Variants in RPS6KA6 observed in about 807,000 individuals in gnomAD.
RPS6KA6 encodes the protein ribosomal protein S6 kinase alpha-6.
RPS6KA6 carries 27 observed loss-of-function variants against 65.4 expected under a neutral mutation model. The observed-to-expected ratio is 0.41, with a 90% CI of 0.30 to 0.57. RPS6KA6 has a LOEUF of 0.57. RPS6KA6 is among the 20% of genes least tolerant of loss of function. RPS6KA6 has a pLI of 0.24. For synonymous variants in RPS6KA6, 190 were observed against 184.2 expected (o/e 1.03, Z -0.26); for missense variants, 486 against 555.6 (o/e 0.87, Z 1.26).
At chrX:84,156,246 G>T in intron 2 of RPS6KA6, 55 bp from the exon 3 acceptor site, 1 of 650,271 alleles carries the variant, frequency 1.5e-6, no homozygotes, top group Non-Finnish European at 2.5e-6. Flanking sequence ...CTTCTGATTA[G>T]TTCCATTTAA....
chrX:84,098,006 A>G lies in RPS6KA6; in HGVS notation c.1777-158T>C, dbSNP rs180872864. ...TAAAGACATAACCCCTGACACCTCA[A>G]TGAGTTTTCTCTCCTCCTCTTAGGA... On this transcript the variant is annotated intron_variant, in intron 18 of 21. Transcript: ENST00000262752. 1.0e-3 allele frequency among the ~76,000 whole-genome samples: 111 copies of G among 111,402 alleles called. 1 individual carries two copies. The South Asian group carries it at 0.012, about 12-fold the overall frequency.
chrX:84,140,961 T>A (rs10081852), intron 6 of RPS6KA6, among the ~76,000 whole-genome samples: 59,708 of 108,323 alleles, frequency 0.55, 13,658 homozygotes, highest in Non-Finnish European at 0.72. Flanking sequence ...TGCTTCATAC[T>A]GAGGAAAAAT....
chrX:84,066,118 A>G (rs1237837332), intron 20 of RPS6KA6, among the ~76,000 whole-genome samples: 1 of 111,015 alleles, frequency 9.0e-6, no homozygotes, highest in Non-Finnish European at 1.9e-5. Context: ...ACAAATCAGG[A>G]GATTCCCTGG....
At chrX:84,092,974 T>C (rs1309377418) in intron 20 of RPS6KA6, among the ~76,000 whole-genome samples, 2 of 112,236 alleles carry the variant, frequency 1.8e-5, no homozygotes, top group African/African-American at 6.5e-5. Context: ...ATATAGTGTG[T>C]ATATACACAA....
chrX:84,171,329 A>G (rs979978686), intron 1 of RPS6KA6, among the ~76,000 whole-genome samples: 1 of 111,548 alleles, frequency 9.0e-6, no homozygotes, highest in Admixed American at 9.5e-5. Context: ...TAAAGCTGCT[A>G]AATTTATGGT....
intron 20 of RPS6KA6, among the ~76,000 whole-genome samples, chrX:84,090,594 C>T (rs370303586): frequency 1.3e-4 from 14 of 111,621 alleles, no homozygotes; most frequent in South Asian, 7.6e-4. Flanking sequence ...GAAGGAGGAG[C>T]GCAAGCAAGG....
At chrX:84,182,945 C>T (rs1195857606) in intron 1 of RPS6KA6, among the ~76,000 whole-genome samples, 1 of 112,150 alleles carries the variant, frequency 8.9e-6, no homozygotes, top group Non-Finnish European at 1.9e-5. Flanking sequence ...GAATTACAGG[C>T]CTAAGGCCCA....
chrX:84,135,168 G>A lies in RPS6KA6; in HGVS notation c.544C>T (p.Leu182=), dbSNP rs372483488. 2 of 1,202,378 alleles carry A rather than the reference G, an allele frequency of 1.7e-6. No individual in the cohort carries two copies. Among genetic ancestry groups the A allele is most frequent in the African/African-American group, 1.8e-5 (1 of 57,052 alleles). ...EEDVKFYLAE[L]ALALDHLHQL... ...TGCAGATGATCCAAAGCAAGGGCCA[G>A]TTCTGCGAGGTAGAATTTCACATCT... Residue 182 remains leucine, a synonymous_variant, in exon 7 of 22, where the codon CTG becomes TTG. Coordinates refer to ENST00000262752, the MANE Select transcript of RPS6KA6 (RefSeq NM_014496.5).
intron 17 of RPS6KA6, among the ~76,000 whole-genome samples, chrX:84,103,259 T>G (rs2034291979): frequency 9.0e-6 from 1 of 111,004 alleles, no homozygotes; most frequent in Admixed American, 9.7e-5. Context: ...AAAGTGACTA[T>G]CATAATGATC....
At chrX:84,167,418 C>A (rs1472753781) in intron 1 of RPS6KA6, among the ~76,000 whole-genome samples, 1 of 111,779 alleles carries the variant, frequency 8.9e-6, no homozygotes, top group Non-Finnish European at 1.9e-5. Flanking sequence ...AGCGTTTCTG[C>A]TAACTGAAAG....
intron 3 of RPS6KA6, among the ~76,000 whole-genome samples, chrX:84,154,625 G>C (rs926585703): frequency 9.2e-6 from 1 of 109,253 alleles, no homozygotes; most frequent in South Asian, 3.8e-4. Flanking sequence ...CTACTCTACA[G>C]ATCAGTTCTA....
intron 20 of RPS6KA6, among the ~76,000 whole-genome samples, chrX:84,066,124 C>G (rs1280656118): frequency 9.0e-6 from 1 of 111,210 alleles, no homozygotes; most frequent in Non-Finnish European, 1.9e-5. Flanking sequence ...CAGGAGATTC[C>G]CTGGTGTGCC....
chrX:84,102,556 A>C (rs2034279605), intron 17 of RPS6KA6, among the ~76,000 whole-genome samples: 1 of 110,973 alleles, frequency 9.0e-6, no homozygotes, highest in Non-Finnish European at 1.9e-5. Context: ...AACTAAACTA[A>C]GTTTAGACTT....
intron 8 of RPS6KA6, among the ~76,000 whole-genome samples, chrX:84,125,398 G>T (rs989922361): frequency 5.4e-5 from 6 of 111,657 alleles, no homozygotes; most frequent in African/African-American, 2.0e-4. Flanking sequence ...TTGAAAAGTG[G>T]GGGGATGAAT....
intron 2 of RPS6KA6, among the ~76,000 whole-genome samples, chrX:84,159,647 G>A (rs964800913): frequency 1.8e-5 from 2 of 110,741 alleles, no homozygotes; most frequent in Non-Finnish European, 3.8e-5. Context: ...CATCACATCC[G>A]TCAAAGAAAC....
chrX:84,093,626 G>A (rs1180447601), intron 20 of RPS6KA6, among the ~76,000 whole-genome samples: 1 of 111,900 alleles, frequency 8.9e-6, no homozygotes, highest in Non-Finnish European at 1.9e-5. Context: ...ACACCAGATA[G>A]GCCTAAACAT....
At chrX:84,082,642 A>G (rs1410168013) in intron 20 of RPS6KA6, among the ~76,000 whole-genome samples, 1 of 111,952 alleles carries the variant, frequency 8.9e-6, no homozygotes, top group Non-Finnish European at 1.9e-5. Flanking sequence ...TAGCCAAGAC[A>G]ATCCTAAGCA....
intron 1 of RPS6KA6, among the ~76,000 whole-genome samples, chrX:84,182,790 C>T (rs1477002131): frequency 9.0e-6 from 1 of 111,631 alleles, no homozygotes; most frequent in African/African-American, 3.3e-5. Context: ...TTGTCTATTC[C>T]AAATAAACCT....
chrX:84,187,942 T>G lies in RPS6KA6; in HGVS notation c.-43A>C, dbSNP rs779201506. 1.6e-5 allele frequency: 18 copies of G among 1,102,716 alleles called. No homozygotes were observed. The highest frequency in any genetic ancestry group is 2.1e-5 in the Non-Finnish European group (17 of 820,967). The allele number at this position is 1,102,716 out of a possible 1,213,427, so 90.9% of individuals were successfully genotyped here. ...TCAAACAGGAGCTGCCGCCTACCGC[T>G]GGCGCGGCCGCGCATCCTGTCTATT... On this transcript the variant is annotated 5_prime_UTR_variant, in exon 1 of 22. Coordinates refer to ENST00000262752, the MANE Select transcript of RPS6KA6 (RefSeq NM_014496.5).
Sources: gnomAD v4.1 joint callset for allele counts (sites outside exome capture counted in the v4.1 genomes callset) on GRCh38, gnomAD v4.1.1 for gene constraint, MANE v1.5 for transcripts, NCBI Gene and HGNC (gene_info 2026-07-23, HGNC 2026-07-21) for gene names.